YWHAZ: variants seen among roughly 807,000 people sequenced by gnomAD.
The protein encoded by YWHAZ is 14-3-3 protein zeta/delta.
For synonymous variants in YWHAZ, 87 were observed against 103.6 expected (o/e 0.84, Z 0.97); for missense variants, 79 against 284.8 (o/e 0.28, Z 5.20).
At chr8:100,928,464 G>A (rs1055794151) in intron 2 of YWHAZ, among the ~76,000 whole-genome samples, 1 of 152,182 alleles carries the variant, frequency 6.6e-6, no homozygotes, top group Non-Finnish European at 1.5e-5. Flanking sequence ...AGGTGTGGTG[G>A]TTCATGCCTA....
rs1812776558 is a variant in YWHAZ, at chr8:100,918,085, G to C, written c.*2608C>G. 6.6e-6 allele frequency: 1 copy of C among 152,000 alleles called. No individual in the cohort carries two copies. Among genetic ancestry groups the C allele is most frequent in the Non-Finnish European group, 1.5e-5 (1 of 68,012 alleles). 9.4% of individuals were successfully genotyped at this position (152,000 alleles called of 1,614,324 possible). On this transcript the variant is annotated 3_prime_UTR_variant, in exon 6 of 6. Transcript: ENST00000395958. ...CTACTGGGCGCGGTGGCTTATGCCT[G>C]TAATCCCAGCACTTTGGGAGGTTGA... is the stretch of plus-strand genomic sequence containing the variant.
In YWHAZ at chr8:100,932,708, A is replaced by C. The variant is rs145597631; in HGVS notation, c.295-7669T>G. Among the ~76,000 whole-genome samples the C allele has an allele frequency of 5.2e-3, 786 of 152,296 alleles. 8 individuals are homozygous for C. Among genetic ancestry groups the C allele is most frequent in the African/African-American group, 0.017 (716 of 41,556 alleles). On this transcript the variant is annotated intron_variant, in intron 2 of 5. Coordinates refer to ENST00000395958, the MANE Select transcript of YWHAZ (RefSeq NM_145690.3). ...CTGCCTGCAGTTCTTTGAAGAAAAA[A>C]GTGTTCCATAAAAAAAGAAAAGCAG... is the stretch of plus-strand genomic sequence containing the variant.
chr8:100,935,304 G>A (rs931776247), intron 2 of YWHAZ, among the ~76,000 whole-genome samples: 3 of 152,104 alleles, frequency 2.0e-5, no homozygotes, highest in African/African-American at 7.2e-5. Flanking sequence ...AACTGTAATA[G>A]CTTCATTTAA....
intron 1 of YWHAZ, chr8:100,951,485 C>CCGT (rs1810777453): frequency 2.0e-6 from 2 of 985,978 alleles, no homozygotes; most frequent in African/African-American, 3.5e-5. Context: ...GCCGCCGCCG[C>CCGT]CGCCGAGTCA....
At chr8:100,947,179 G>A (rs557592334) in intron 2 of YWHAZ, among the ~76,000 whole-genome samples, 13 of 151,104 alleles carry the variant, frequency 8.6e-5, no homozygotes, top group Middle Eastern at 6.8e-3. Context: ...GCGTGAACCC[G>A]GGAGGCGGAG....
At chr8:100,951,272 C>A in intron 1 of YWHAZ, 1 of 984,838 alleles carries the variant, frequency 1.0e-6, no homozygotes, top group Non-Finnish European at 1.2e-6. Context: ...GGCTCCGGCC[C>A]GCTCTCGGCC....
At chr8:100,932,597 C>G (rs1320428212) in intron 2 of YWHAZ, among the ~76,000 whole-genome samples, 1 of 152,114 alleles carries the variant, frequency 6.6e-6, no homozygotes, top group African/African-American at 2.4e-5. Context: ...TTTTATCTGT[C>G]AAAAATATCA....
intron 1 of YWHAZ, chr8:100,950,499 T>A: frequency 1.0e-6 from 1 of 985,310 alleles, no homozygotes; most frequent in Non-Finnish European, 1.2e-6. Context: ...ACCACCCCCC[T>A]CCAGGCTCCG....
At chr8:100,920,795 T>TTGG (rs373030011) in intron 5 of YWHAZ, 43 bp from the exon 6 acceptor site, 9 of 88,798 alleles carry the variant, frequency 1.0e-4, no homozygotes, top group Middle Eastern at 1.5e-3. Flanking sequence ...TTCAGTGGGA[T>TTGG]GGGGGGGGGG....
chr8:100,946,228 G>A (rs917549630), intron 2 of YWHAZ, among the ~76,000 whole-genome samples: 2 of 152,100 alleles, frequency 1.3e-5, no homozygotes, highest in African/African-American at 4.8e-5. Flanking sequence ...GAAACTAAAG[G>A]GAAGCATAGT....
At chr8:100,943,997 AG>A (rs367615912) in intron 2 of YWHAZ, among the ~76,000 whole-genome samples, 6,214 of 145,608 alleles carry the variant, frequency 0.043, 262 homozygotes, top group Non-Finnish European at 0.053. Flanking sequence ...AAAAAAAAAA[AG>A]AAAAAAGAAA....
chr8:100,948,226 G>T lies in YWHAZ; in HGVS notation c.294+370C>A, dbSNP rs1810452724. 8.0e-7 allele frequency: 1 copy of T among 1,244,772 alleles called. No homozygotes were observed. Among genetic ancestry groups the T allele is most frequent in the Non-Finnish European group, 1.1e-6 (1 of 917,862 alleles). 77.1% of individuals were successfully genotyped at this position (1,244,772 alleles called of 1,614,324 possible). On this transcript the variant is annotated intron_variant, in intron 2 of 5. Transcript: ENST00000395958. This position sits in a 1 kb window ranked among gnomAD's most constrained non-coding sequence, Gnocchi z 4.2. ...TCCTATTACATCTCTCTTACCTAAA[G>T]TATGTAAAATTCCTTTATCCACAGA...
At chr8:100,944,000 A>AG (rs1242891557) in intron 2 of YWHAZ, among the ~76,000 whole-genome samples, 2 of 151,586 alleles carry the variant, frequency 1.3e-5, no homozygotes, top group Non-Finnish European at 2.9e-5. Flanking sequence ...AAAAAAAAGA[A>AG]AAAAGAAAAA....
upstream of YWHAZ, chr8:100,952,712 G>A (rs1039273971): frequency 3.4e-6 from 3 of 877,134 alleles, no homozygotes; most frequent in Middle Eastern, 5.8e-4. Context: ...CCGGGGCGGG[G>A]GCAGGGCGCG....
At chr8:100,951,397 T>C in intron 1 of YWHAZ, 1 of 966,198 alleles carries the variant, frequency 1.0e-6, no homozygotes, top group Non-Finnish European at 1.2e-6. Flanking sequence ...GCGCGGAGGC[T>C]GCGCGAGGGG....
chr8:100,925,110 A>C, intron 2 of YWHAZ, 71 bp from the exon 3 acceptor site: 5 of 1,488,080 alleles, frequency 3.4e-6, no homozygotes. Flanking sequence ...GCATTTCTTA[A>C]AGAACAAACT....
intron 2 of YWHAZ, among the ~76,000 whole-genome samples, chr8:100,944,013 G>C (rs796087214): frequency 6.9e-6 from 1 of 144,578 alleles, no homozygotes; most frequent in Non-Finnish European, 1.5e-5. Flanking sequence ...AAGAAAAAAA[G>C]AAAAAAAAGA....
At position 100,924,783 on chromosome 8, in the gene YWHAZ, A is replaced by AAT; in HGVS notation, c.418+132_418+133insAT. The stretch of plus-strand genomic sequence containing the variant: ...TGAGGCAGTAGATGTGTATTCTCAG[A>AAT]ACACAAAGAGCACTGCTACTCCTTA... On this transcript the variant is annotated intron_variant, in intron 3 of 5. Transcript: ENST00000395958. The surrounding 1 kb of genome is among the most constrained non-coding windows in gnomAD (Gnocchi z 5.7). 1 of 1,141,666 alleles carries AAT rather than the reference A, an allele frequency of 8.8e-7. No homozygotes were observed. The highest frequency in any genetic ancestry group is 1.7e-5 in the South Asian group (1 of 59,048). The allele number at this position is 1,141,666 out of a possible 1,614,324, so 70.7% of individuals were successfully genotyped here.
chr8:100,947,373 T>C (rs1810376108), intron 2 of YWHAZ, among the ~76,000 whole-genome samples: 2 of 152,078 alleles, frequency 1.3e-5, no homozygotes, highest in South Asian at 4.1e-4. Context: ...TCAACTTAGA[T>C]ACAAATAGTA....
Sources: allele counts gnomAD v4.1 joint callset (sites outside exome capture counted in the v4.1 genomes callset), GRCh38; gene constraint gnomAD v4.1.1; non-coding constraint Gnocchi (gnomAD v3.1); transcripts MANE v1.5; gene names NCBI Gene and HGNC (gene_info 2026-07-23, HGNC 2026-07-21).